GPATCH8: variants seen among roughly 807,000 people sequenced by gnomAD.
GPATCH8 encodes G patch domain-containing protein 8.
A neutral mutation model predicts 118.3 loss-of-function variants in GPATCH8; 18 were observed. The observed-to-expected ratio is 0.15, with a 90% CI of 0.11 to 0.23. The LOEUF (loss-of-function observed/expected upper bound fraction) is 0.23. Among genes scored for constraint, GPATCH8 ranks in the 10% least tolerant of loss-of-function variants. The pLI is 1.00. For synonymous variants in GPATCH8, 659 were observed against 684.7 expected, an observed-to-expected ratio of 0.96 and a Z score of 0.59; for missense variants, 1,631 against 1,873.8, an observed-to-expected ratio of 0.87 and a Z score of 2.39.
At chr17:44,463,659 C>A (rs1268593489) in intron 3 of GPATCH8, among the ~76,000 whole-genome samples, 1 of 152,180 alleles carries the variant, frequency 6.6e-6, no homozygotes, top group Non-Finnish European at 1.5e-5. Flanking sequence ...GGATTACAGG[C>A]GTGAGCCACC....
At chr17:44,494,324 G>A (rs1969501522) in intron 1 of GPATCH8, among the ~76,000 whole-genome samples, 1 of 152,076 alleles carries the variant, frequency 6.6e-6, no homozygotes, top group Non-Finnish European at 1.5e-5. Flanking sequence ...GGGCACGGTG[G>A]CTCACACCCG....
chr17:44,399,905 T>C lies in GPATCH8; in HGVS notation c.2172A>G (p.Pro724=), dbSNP rs1176149798. Residue 724 remains proline (P), a synonymous_variant, in exon 8 of 8, where the codon CCA becomes CCG. Transcript: ENST00000591680. ...GTTTGGGTCCTCGTTCAGAATCTGCTGGGGCTGATGACTTATTCTTCTTTC... is the reference window on the plus strand; with the variant it reads ...GTTTGGGTCCTCGTTCAGAATCTGCCGGGGCTGATGACTTATTCTTCTTTC... ...RKRKKNKSSA[P]ADSERGPKPE... The C allele has an allele frequency of 1.2e-6, 2 of 1,614,110 alleles. No homozygotes were observed. The highest frequency in any genetic ancestry group is 1.7e-6 in the Non-Finnish European group (2 of 1,180,008).
Position 44,446,108 on chromosome 17 carries a change from T to TA in GPATCH8, c.194-9564dup, listed in dbSNP as rs572339076. Among the ~76,000 whole-genome samples the TA allele has an allele frequency of 3.1e-3, 460 of 147,478 alleles. 2 individuals are homozygous for TA. Among genetic ancestry groups the TA allele is most frequent in the African/African-American group, 0.011 (424 of 40,270 alleles). ...GCACTCACCACCATGTGTGGCTAAT[T>TA]AAAAAAAAAAAAATTTTTTTTTGTA... is the stretch of plus-strand genomic sequence containing the variant. On this transcript the variant is annotated intron_variant, in intron 3 of 7. Transcript: ENST00000591680.
intron 3 of GPATCH8, among the ~76,000 whole-genome samples, chr17:44,440,734 T>C (rs1053117925): frequency 1.3e-5 from 2 of 152,240 alleles, no homozygotes; most frequent in Non-Finnish European, 2.9e-5. Context: ...CACTCTGTCA[T>C]TGAGAACAAT....
intron 4 of GPATCH8, among the ~76,000 whole-genome samples, chr17:44,435,447 C>T (rs2050470786): frequency 9.5e-6 from 1 of 105,524 alleles, no homozygotes; most frequent in Admixed American, 1.3e-4. Flanking sequence ...GAGTTTCACT[C>T]TTGTTGCTCA....
At chr17:44,455,068 A>AT (rs1356481084) in intron 3 of GPATCH8, among the ~76,000 whole-genome samples, 6 of 152,192 alleles carry the variant, frequency 3.9e-5, no homozygotes, top group Admixed American at 6.5e-5. Flanking sequence ...CATATTTGCT[A>AT]TTCCCCCACC....
At chr17:44,450,696 AAT>A (rs551566004) in intron 3 of GPATCH8, among the ~76,000 whole-genome samples, 76 of 152,340 alleles carry the variant, frequency 5.0e-4, no homozygotes, top group Non-Finnish European at 7.4e-4. Flanking sequence ...ATTTTAATAA[AAT>A]ATGTTTATTA....
At chr17:44,502,624 G>A (rs758683628) in intron 1 of GPATCH8, among the ~76,000 whole-genome samples, 29 of 152,052 alleles carry the variant, frequency 1.9e-4, no homozygotes, top group Admixed American at 3.3e-4. Flanking sequence ...ATGCGTGGAC[G>A]GCCTATTATC....
At chr17:44,416,011 T>C (rs1242807178) in intron 6 of GPATCH8, among the ~76,000 whole-genome samples, 2 of 152,196 alleles carry the variant, frequency 1.3e-5, no homozygotes, top group African/African-American at 2.4e-5. Context: ...TCAACAGTTT[T>C]GTTGTTTTTG....
At chr17:44,492,297 C>CAA (rs760386945) in intron 1 of GPATCH8, among the ~76,000 whole-genome samples, 6,919 of 76,108 alleles carry the variant, frequency 0.091, 713 homozygotes, top group African/African-American at 0.19. Context: ...TGAGACGTCT[C>CAA]AAAAAAAAAA....
intron 7 of GPATCH8, 145 bp downstream of exon 7, chr17:44,405,776 T>G: frequency 6.7e-6 from 4 of 600,590 alleles, no homozygotes; most frequent in African/African-American, 1.9e-5. Context: ...AGTGCTGGGA[T>G]TATAGGGGTG....
chr17:44,487,494 G>A (rs1968876855), intron 1 of GPATCH8, among the ~76,000 whole-genome samples: 1 of 152,170 alleles, frequency 6.6e-6, no homozygotes. Flanking sequence ...GTAGACTTAA[G>A]TTTTCAGCTC....
chr17:44,502,855 G>T (rs1489385153), intron 1 of GPATCH8, among the ~76,000 whole-genome samples: 1 of 152,196 alleles, frequency 6.6e-6, no homozygotes, highest in African/African-American at 2.4e-5. Context: ...GAAAGGAATT[G>T]ATTTATCACA....
In GPATCH8 at chr17:44,417,571, GACT is replaced by G. The variant is rs370910466; in HGVS notation, c.492+6775_492+6777del. ...TACCAGATTTTGATAATCTGGATCA[GACT>G]ACCAGAGACTGAAATCGCAAGGAAG... is the stretch of plus-strand genomic sequence containing the variant. On this transcript the variant is annotated intron_variant, in intron 6 of 7. Transcript: ENST00000591680. Among the ~76,000 whole-genome samples, 12 of 152,304 alleles carry G rather than the reference GACT, an allele frequency of 7.9e-5. No individual in the cohort carries two copies. In the East Asian group the frequency reaches 2.3e-3, roughly 29 times the overall value.
intron 2 of GPATCH8, chr17:44,464,793 A>ATG: frequency 2.1e-6 from 1 of 476,650 alleles, no homozygotes. Context: ...CAACTTTTGT[A>ATG]TATAACATTT....
chr17:44,497,283 T>C (rs1969725919), intron 1 of GPATCH8, among the ~76,000 whole-genome samples: 1 of 152,314 alleles, frequency 6.6e-6, no homozygotes, highest in African/African-American at 2.4e-5. Flanking sequence ...GAACTTCTGC[T>C]ACGCTTTCAG....
chr17:44,479,069 A>C (rs894084002), intron 1 of GPATCH8, among the ~76,000 whole-genome samples: 22 of 152,332 alleles, frequency 1.4e-4, no homozygotes, highest in African/African-American at 5.3e-4. Flanking sequence ...GAATTGCCCC[A>C]AAATATATCA....
At position 44,399,568 on chromosome 17, in the gene GPATCH8, T is replaced by A; in HGVS notation, c.2509A>T (p.Ser837Cys). 6.2e-7 allele frequency: 1 copy of A among 1,614,152 alleles called. No homozygotes were observed. The highest frequency in any genetic ancestry group is 8.5e-7 in the Non-Finnish European group (1 of 1,179,994). The change falls in exon 8 of 8, where the codon AGT becomes TGT. Residue 837 changes from serine (S) to cysteine (C), a missense_variant. Ser to Cys is a moderately radical substitution (Grantham distance 112). Transcript: ENST00000591680. Reference protein sequence around the residue: ...RLHQKSPSQYSEEEEEEDSGS... With the variant: ...RLHQKSPSQYCEEEEEEDSGS... ...GAATCTTCCTCTTCTTCTTCCTCAC[T>A]GTACTGGGATGGAGACTTCTGGTGC...
chr17:44,400,684 G>A lies in GPATCH8; in HGVS notation c.1393C>T (p.Pro465Ser). ...GGCTCGGTCATGCTGGTTTCCTTCG[G>A]CTGCTCAGAGACTTCACTAACTGTC... ...EKTVSEVSEQPKETSMTEPSE... is the reference protein window; with the variant it reads ...EKTVSEVSEQSKETSMTEPSE... Residue 465 changes from proline to serine, a missense_variant, in exon 8 of 8, where the codon CCG (proline) becomes TCG (serine). Around this residue, in one of 8 missense-constraint regions of GPATCH8, gnomAD observed 405 missense variants for 462.7 expected, o/e 0.88. Coordinates refer to ENST00000591680, the MANE Select transcript of GPATCH8 (RefSeq NM_001002909.4). The A allele has an allele frequency of 6.2e-7, 1 of 1,611,170 alleles. No individual in the cohort carries two copies. Among genetic ancestry groups the A allele is most frequent in the Non-Finnish European group, 8.5e-7 (1 of 1,178,254 alleles).
Sources: allele counts gnomAD v4.1 joint callset (sites outside exome capture counted in the v4.1 genomes callset), GRCh38; gene constraint gnomAD v4.1.1; regional missense constraint gnomAD v4.1.1; transcripts MANE v1.5; gene names NCBI Gene and HGNC (gene_info 2026-07-23, HGNC 2026-07-21).